The following THSD7B variants were observed in gnomAD, a reference collection of about 807,000 sequenced individuals.
THSD7B encodes thrombospondin type-1 domain-containing protein 7B.
A neutral mutation model predicts 213.6 loss-of-function variants in THSD7B; 138 were observed. That is an observed-to-expected ratio of 0.65 (90% CI 0.56 to 0.74). THSD7B has a LOEUF of 0.74. Ranked by LOEUF, THSD7B falls within the 30% of genes least tolerant of loss-of-function variation. The pLI, the probability that THSD7B is intolerant of heterozygous loss-of-function variation, is 0.00. For synonymous variants in THSD7B, 742 were observed against 687.0 expected (o/e 1.08, Z -1.25); for missense variants, 1,931 against 1,991.5 (o/e 0.97, Z 0.58).
intron 7 of THSD7B, among the ~76,000 whole-genome samples, chr2:137,186,346 A>G (rs1680551081): frequency 6.6e-6 from 1 of 152,074 alleles, no homozygotes; most frequent in South Asian, 2.1e-4. Flanking sequence ...TTTTCTTCTA[A>G]GAATTTTGTA....
intron 2 of THSD7B, among the ~76,000 whole-genome samples, chr2:136,961,156 G>A (rs1456227809): frequency 6.9e-6 from 1 of 145,472 alleles, no homozygotes; most frequent in African/African-American, 2.5e-5. Flanking sequence ...TGTAGGTAAA[G>A]ATGAAGATTT....
At chr2:137,159,739 T>G (rs1445414598) in intron 5 of THSD7B, among the ~76,000 whole-genome samples, 1 of 152,182 alleles carries the variant, frequency 6.6e-6, no homozygotes, top group Non-Finnish European at 1.5e-5. Context: ...ATTTTTCTTG[T>G]GTATCTTTGC....
At chr2:136,847,751 G>C (rs972337552) in intron 1 of THSD7B, among the ~76,000 whole-genome samples, 1 of 152,102 alleles carries the variant, frequency 6.6e-6, no homozygotes, top group Non-Finnish European at 1.5e-5. Context: ...CAAAAAGCAT[G>C]TAAGCAGAAC....
In THSD7B at chr2:136,821,996, G is replaced by A. The variant is rs114149571; in HGVS notation, c.-36+56309G>A. Among the ~76,000 whole-genome samples the A allele has an allele frequency of 6.9e-3, 1,048 of 152,144 alleles. 9 individuals are homozygous for A. The highest frequency in any genetic ancestry group is 0.023 in the African/African-American group (951 of 41,522). On this transcript the variant is annotated intron_variant, in intron 1 of 27. Transcript: ENST00000409968. ...ATAACTAGGAACATAATGAAATAGC[G>A]GGGCTCCTGGATCATGGCTCAAGGA...
chr2:137,191,704 T>C (rs1019123362), intron 7 of THSD7B, among the ~76,000 whole-genome samples: 1 of 152,014 alleles, frequency 6.6e-6, no homozygotes, highest in Non-Finnish European at 1.5e-5. Context: ...CAAGAAGCTC[T>C]CTCTGACCCC....
At chr2:137,577,198 C>A (rs796685990) in intron 17 of THSD7B, among the ~76,000 whole-genome samples, 39 of 152,160 alleles carry the variant, frequency 2.6e-4, no homozygotes, top group African/African-American at 9.1e-4. Flanking sequence ...ATTCATTACT[C>A]AGGGGCTTGC....
intron 5 of THSD7B, among the ~76,000 whole-genome samples, chr2:137,157,998 C>T (rs932371890): frequency 1.3e-5 from 2 of 152,208 alleles, no homozygotes; most frequent in East Asian, 3.9e-4. Flanking sequence ...CTTAAGCCAT[C>T]CAGCTATGCA....
chr2:137,518,353 G>A (rs1352886502), intron 15 of THSD7B, among the ~76,000 whole-genome samples: 1 of 152,200 alleles, frequency 6.6e-6, no homozygotes, highest in Non-Finnish European at 1.5e-5. Flanking sequence ...AGTCTTCCCA[G>A]TGGGCAGAAT....
At chr2:137,241,680 A>G (rs1681908243) in intron 9 of THSD7B, among the ~76,000 whole-genome samples, 1 of 152,170 alleles carries the variant, frequency 6.6e-6, no homozygotes. Context: ...TGGGAGGCCA[A>G]GGAGGGCAGA....
At chr2:137,526,420 T>C (rs771308376) in intron 15 of THSD7B, among the ~76,000 whole-genome samples, 1 of 139,748 alleles carries the variant, frequency 7.2e-6, no homozygotes, top group Non-Finnish European at 1.6e-5. Flanking sequence ...GTTGTTGTTG[T>C]TGTTTGTTTG....
intron 17 of THSD7B, among the ~76,000 whole-genome samples, chr2:137,614,207 C>T (rs1041265870): frequency 6.6e-6 from 1 of 151,916 alleles, no homozygotes; most frequent in Admixed American, 6.6e-5. Flanking sequence ...AGAACTATAC[C>T]CATCAGACTT....
At chr2:136,900,993 GAAA>G in intron 2 of THSD7B, among the ~76,000 whole-genome samples, 1 of 152,048 alleles carries the variant, frequency 6.6e-6, no homozygotes, top group African/African-American at 2.4e-5. Flanking sequence ...TAGAAGATTA[GAAA>G]AAAGTGTGAT....
intron 2 of THSD7B, among the ~76,000 whole-genome samples, chr2:137,004,883 T>C (rs1686073271): frequency 6.6e-6 from 1 of 152,216 alleles, no homozygotes; most frequent in African/African-American, 2.4e-5. Flanking sequence ...TTAGATCACT[T>C]CTGTTCTAAA....
chr2:137,066,982 T>G (rs2104887221), intron 3 of THSD7B, among the ~76,000 whole-genome samples: 1 of 152,256 alleles, frequency 6.6e-6, no homozygotes, highest in Admixed American at 6.5e-5. Flanking sequence ...GATGAGCCTA[T>G]CAAAGGTACT....
chr2:137,157,812 G>A (rs1679939453), intron 5 of THSD7B, among the ~76,000 whole-genome samples: 1 of 152,170 alleles, frequency 6.6e-6, no homozygotes, highest in Non-Finnish European at 1.5e-5. Flanking sequence ...ATGAATTAAT[G>A]TTGATAAGTG....
intron 2 of THSD7B, among the ~76,000 whole-genome samples, chr2:137,006,405 T>A (rs1439522205): frequency 7.3e-6 from 1 of 136,804 alleles, no homozygotes; most frequent in Non-Finnish European, 1.6e-5. Context: ...AAGAAATACA[T>A]ACATACATAC....
At chr2:137,605,826 G>A (rs189209560) in intron 17 of THSD7B, among the ~76,000 whole-genome samples, 354 of 151,698 alleles carry the variant, frequency 2.3e-3, no homozygotes, top group South Asian at 4.2e-3. Context: ...TTGCCACCAC[G>A]CCCAGCTAAT....
chr2:137,255,135 C>T (rs1369733852), intron 10 of THSD7B, among the ~76,000 whole-genome samples: 1 of 152,078 alleles, frequency 6.6e-6, no homozygotes, highest in African/African-American at 2.4e-5. Flanking sequence ...TCCATCTTTT[C>T]CCAAACTATC....
At chr2:136,771,462 T>A (rs1395007344) in intron 1 of THSD7B, among the ~76,000 whole-genome samples, 2 of 152,184 alleles carry the variant, frequency 1.3e-5, no homozygotes, top group African/African-American at 4.8e-5. Context: ...TTGCCTGTCG[T>A]TAATTTCCTA....
Sources: gnomAD v4.1 joint callset for allele counts (sites outside exome capture counted in the v4.1 genomes callset) on GRCh38, gnomAD v4.1.1 for gene constraint, MANE v1.5 for transcripts, NCBI Gene and HGNC (gene_info 2026-07-23, HGNC 2026-07-21) for gene names.